The following ZNF644 variants were observed in gnomAD, a reference collection of about 807,000 sequenced individuals.
ZNF644 encodes the protein zinc finger protein 644.
In ZNF644, 20 loss-of-function variants were observed where a neutral mutation model predicts 108.0. The ratio of observed to expected loss-of-function variants is 0.19; its 90% CI spans 0.13 to 0.27. The LOEUF (loss-of-function observed/expected upper bound fraction) is 0.27. ZNF644 is among the 10% of genes least tolerant of loss of function. ZNF644 has a pLI of 1.00. For synonymous variants in ZNF644, 542 were observed against 539.1 expected (o/e 1.01, Z -0.08); for missense variants, 1,338 against 1,548.9 (o/e 0.86, Z 2.29).
At chr1:90,961,714 A>C (rs962810836) in intron 2 of ZNF644, among the ~76,000 whole-genome samples, 1 of 152,144 alleles carries the variant, frequency 6.6e-6, no homozygotes, top group African/African-American at 2.4e-5. Context: ...CATGTAATGG[A>C]ATATTATTAT....
In ZNF644 at chr1:90,938,940, C is replaced by T. The variant is rs746169446; in HGVS notation, c.2414G>A (p.Arg805His). 2.3e-5 allele frequency: 37 copies of T among 1,613,890 alleles called. No homozygotes were observed. Among genetic ancestry groups the T allele is most frequent in the African/African-American group, 8.0e-5 (6 of 74,922 alleles). The change falls in exon 3 of 6, where the codon CGT becomes CAT. Residue 805 changes from arginine to histidine, a missense_variant. This residue lies in a region of ZNF644 where 462 missense variants were observed against 472.6 expected (regional missense o/e 0.98). Coordinates refer to ENST00000337393, the MANE Select transcript of ZNF644 (RefSeq NM_201269.3). The surrounding 1 kb of genome is among the most constrained non-coding windows in gnomAD (Gnocchi z 4.2). Reference sequence around the variant, plus strand: ...CTTAATTACTCTCTTTACAGCTACACGTCTGTGATCTTTGAAGCTTTCAGG... The same window carrying T: ...CTTAATTACTCTCTTTACAGCTACATGTCTGTGATCTTTGAAGCTTTCAGG... Reference protein sequence around the residue: ...KRPESFKDHRRVAVKRVIKES... With the variant: ...KRPESFKDHRHVAVKRVIKES...
intron 4 of ZNF644, among the ~76,000 whole-genome samples, chr1:90,921,486 T>C (rs1570329483): frequency 2.6e-5 from 4 of 152,030 alleles, no homozygotes. Context: ...ATTGTTTCTA[T>C]ACTTTAAATA....
chr1:90,984,654 A>G (rs1156746525), intron 1 of ZNF644, among the ~76,000 whole-genome samples: 1 of 152,126 alleles, frequency 6.6e-6, no homozygotes. Context: ...TGGCTTCCCA[A>G]AGTTCTGGGA....
intron 4 of ZNF644, among the ~76,000 whole-genome samples, chr1:90,919,819 A>G (rs1342176775): frequency 1.3e-5 from 2 of 152,102 alleles, no homozygotes; most frequent in Non-Finnish European, 2.9e-5. Flanking sequence ...ATATTTAGAC[A>G]GCCTATGAAT....
chr1:90,933,798 T>C (rs950534824), intron 4 of ZNF644, among the ~76,000 whole-genome samples: 1 of 152,164 alleles, frequency 6.6e-6, no homozygotes, highest in East Asian at 1.9e-4. Flanking sequence ...AGAATAGTGA[T>C]TAAAAACAAA....
At chr1:90,972,839 A>G (rs754141755) in intron 2 of ZNF644, 1 of 152,238 alleles carries the variant, frequency 6.6e-6, no homozygotes, top group Non-Finnish European at 1.5e-5. Context: ...AAAACATCAC[A>G]CTTGTGAAAT....
chr1:90,932,384 G>C (rs1480546908), intron 4 of ZNF644, among the ~76,000 whole-genome samples: 1 of 152,072 alleles, frequency 6.6e-6, no homozygotes, highest in East Asian at 1.9e-4. Context: ...ACACATACTG[G>C]ACATGGTTAG....
intron 4 of ZNF644, among the ~76,000 whole-genome samples, chr1:90,919,389 G>A (rs1244812931): frequency 6.6e-6 from 1 of 152,100 alleles, no homozygotes; most frequent in Non-Finnish European, 1.5e-5. Context: ...GAAACGAATT[G>A]TTCAAAGTCC....
intron 2 of ZNF644, among the ~76,000 whole-genome samples, chr1:90,948,016 A>G (rs1652698871): frequency 6.6e-6 from 1 of 152,234 alleles, no homozygotes; most frequent in Admixed American, 6.5e-5. Context: ...AAATAGAGAC[A>G]ATTATACGTA....
chr1:90,999,563 G>T (rs1570547720), intron 1 of ZNF644, among the ~76,000 whole-genome samples: 1 of 152,130 alleles, frequency 6.6e-6, no homozygotes, highest in South Asian at 2.1e-4. Flanking sequence ...GGAACATCCG[G>T]TACCAGCCAC....
intron 2 of ZNF644, among the ~76,000 whole-genome samples, chr1:90,942,669 C>T (rs1288631396): frequency 2.0e-5 from 3 of 151,992 alleles, no homozygotes; most frequent in Non-Finnish European, 2.9e-5. Flanking sequence ...ATTTGGATAC[C>T]CCATTCAAAC....
At chr1:90,998,332 C>T (rs373240753) in intron 1 of ZNF644, among the ~76,000 whole-genome samples, 2 of 152,212 alleles carry the variant, frequency 1.3e-5, no homozygotes, top group South Asian at 2.1e-4. Flanking sequence ...CAGCCAGGTA[C>T]CCCTCTGAGA....
intron 1 of ZNF644, among the ~76,000 whole-genome samples, chr1:91,019,119 A>T (rs1660665617): frequency 6.6e-6 from 1 of 152,232 alleles, no homozygotes; most frequent in Non-Finnish European, 1.5e-5. Context: ...TCTGACATTC[A>T]AAGAAGTTAA....
intron 4 of ZNF644, among the ~76,000 whole-genome samples, chr1:90,929,453 T>C (rs1557551908): frequency 6.6e-6 from 1 of 152,350 alleles, no homozygotes; most frequent in East Asian, 1.9e-4. Context: ...AGTTTGCTCA[T>C]TTGGAGTTTA....
At chr1:90,942,608 A>G (rs1652108958) in intron 2 of ZNF644, among the ~76,000 whole-genome samples, 1 of 152,218 alleles carries the variant, frequency 6.6e-6, no homozygotes, top group Non-Finnish European at 1.5e-5. Context: ...TCAAAAATCA[A>G]AGTAAAAGTT....
chr1:90,945,297 G>GT (rs1210623474), intron 2 of ZNF644, among the ~76,000 whole-genome samples: 2 of 147,918 alleles, frequency 1.4e-5, no homozygotes, highest in Non-Finnish European at 3.0e-5. Flanking sequence ...CTTTTAACTG[G>GT]TTTTTAAAAG....
chr1:91,017,360 C>T (rs1269694542), intron 1 of ZNF644, among the ~76,000 whole-genome samples: 1 of 152,150 alleles, frequency 6.6e-6, no homozygotes, highest in African/African-American at 2.4e-5. Context: ...AGCTAGCAGA[C>T]AGAAGAGGTA....
intron 1 of ZNF644, among the ~76,000 whole-genome samples, chr1:91,007,219 CATTTTGTT>C (rs1234623639): frequency 8.8e-6 from 1 of 114,248 alleles, no homozygotes; most frequent in African/African-American, 3.3e-5. Context: ...CATTTTCTCC[CATTTTGTT>C]TTTTTTTTTT....
intron 1 of ZNF644, among the ~76,000 whole-genome samples, chr1:91,001,640 T>C (rs570219063): frequency 1.9e-4 from 29 of 152,182 alleles, no homozygotes; most frequent in East Asian, 1.5e-3. Flanking sequence ...CAGGGATGCC[T>C]TCTCTCACCA....
Sources: gnomAD v4.1 joint callset for allele counts (sites outside exome capture counted in the v4.1 genomes callset) on GRCh38, gnomAD v4.1.1 for gene constraint, gnomAD v4.1.1 regional missense constraint, Gnocchi (gnomAD v3.1) non-coding constraint, MANE v1.5 for transcripts, NCBI Gene and HGNC (gene_info 2026-07-23, HGNC 2026-07-21) for gene names.